The following DIP2C variants were observed in gnomAD, a reference collection of about 807,000 sequenced individuals.
The protein encoded by DIP2C is DIP2 acetate--CoA ligase C (putative).
In DIP2C, 33 loss-of-function variants were observed where a neutral mutation model predicts 192.4. The ratio of observed to expected loss-of-function variants is 0.17; its 90% CI spans 0.13 to 0.23. DIP2C has a LOEUF of 0.23. Among genes scored for constraint, DIP2C ranks in the 10% least tolerant of loss-of-function variants. The probability of loss-of-function intolerance (pLI) is 1.00; values close to 1 mark genes in which losing one functional copy is unlikely to be tolerated. For missense variants in DIP2C, 1,537 were observed against 2,110.1 expected (o/e 0.73, Z 5.32); for synonymous variants, 979 against 864.1 (o/e 1.13, Z -2.33).
chr10:627,147 C>T (rs1854254246), intron 1 of DIP2C, among the ~76,000 whole-genome samples: 1 of 152,246 alleles, frequency 6.6e-6, no homozygotes, highest in African/African-American at 2.4e-5. Flanking sequence ...GGCTCTGTAA[C>T]ATCCTCCAAG....
chr10:534,940 T>C (rs1353737134), intron 1 of DIP2C, among the ~76,000 whole-genome samples: 3 of 151,396 alleles, frequency 2.0e-5, no homozygotes, highest in African/African-American at 7.3e-5. Flanking sequence ...CCTCCCAAAG[T>C]GCTGGGATTA....
intron 28 of DIP2C, 42 bp from the exon 29 acceptor site, chr10:341,371 C>A (rs1265081930): frequency 5.6e-6 from 9 of 1,611,206 alleles, no homozygotes; most frequent in Non-Finnish European, 7.6e-6. Context: ...GGACCTGACA[C>A]CCTCAGACAC....
chr10:561,777 CA>C (rs34331595), intron 1 of DIP2C, among the ~76,000 whole-genome samples: 24,324 of 152,144 alleles, frequency 0.16, 3,563 homozygotes, highest in African/African-American at 0.39. Flanking sequence ...GCAGGTGCCA[CA>C]AAACTCAGTG....
At chr10:518,545 G>A (rs1005665966) in intron 1 of DIP2C, among the ~76,000 whole-genome samples, 2 of 152,188 alleles carry the variant, frequency 1.3e-5, no homozygotes. Flanking sequence ...TTGTGCCTCA[G>A]AAAGGGGCCC....
chr10:593,160 C>CT (rs1851499566), intron 1 of DIP2C, among the ~76,000 whole-genome samples: 1 of 152,068 alleles, frequency 6.6e-6, no homozygotes, highest in Non-Finnish European at 1.5e-5. Flanking sequence ...CCTCTGCCGC[C>CT]TTCCTGCAGG....
chr10:685,111 G>A (rs1450119888), intron 1 of DIP2C, among the ~76,000 whole-genome samples: 3 of 130,806 alleles, frequency 2.3e-5, no homozygotes, highest in Admixed American at 8.1e-5. Flanking sequence ...CCCAGCCTGG[G>A]CAACAAGAGT....
intron 36 of DIP2C, among the ~76,000 whole-genome samples, 177 bp downstream of exon 36, chr10:281,023 T>C (rs540141279): frequency 4.1e-4 from 62 of 152,336 alleles, no homozygotes; most frequent in African/African-American, 1.5e-3. Context: ...TAACTCTACA[T>C]GTGGCATGTT....
intron 13 of DIP2C, 41 bp from the exon 14 acceptor site, chr10:387,850 G>A (rs1963106883): frequency 1.2e-6 from 2 of 1,601,736 alleles, no homozygotes; most frequent in African/African-American, 1.3e-5. Flanking sequence ...ACTTAGGACA[G>A]GGCGGCAACA....
At chr10:412,497 A>C (rs974536096) in intron 8 of DIP2C, among the ~76,000 whole-genome samples, 1 of 152,236 alleles carries the variant, frequency 6.6e-6, no homozygotes, top group African/African-American at 2.4e-5. Flanking sequence ...GAGCATAATT[A>C]AAAAAATAAA....
At chr10:337,800 C>CGTGTGTTGTGGAGACCTAGGCAGCTGTGT (rs749822515) in intron 29 of DIP2C, among the ~76,000 whole-genome samples, 1 of 122,652 alleles carries the variant, frequency 8.2e-6, no homozygotes, top group East Asian at 2.6e-4. Flanking sequence ...TGTGTGTGCA[C>CGTGTGTTGTGGAGACCTAGGCAGCTGTGT]GTGTGTCGTG....
At chr10:552,872 T>C (rs896112811) in intron 1 of DIP2C, among the ~76,000 whole-genome samples, 10 of 152,190 alleles carry the variant, frequency 6.6e-5, no homozygotes, top group African/African-American at 2.4e-4. Context: ...GAACACCCCA[T>C]GTCTGCCCTG....
intron 1 of DIP2C, among the ~76,000 whole-genome samples, chr10:615,832 C>T (rs1296916419): frequency 2.0e-5 from 3 of 152,174 alleles, no homozygotes; most frequent in Admixed American, 6.5e-5. Context: ...GCCTGTGTCA[C>T]TTCACCCAAA....
intron 7 of DIP2C, among the ~76,000 whole-genome samples, chr10:414,749 A>ATATATATATATATATATATATC (rs1965476237): frequency 7.5e-6 from 1 of 132,604 alleles, no homozygotes; most frequent in African/African-American, 2.8e-5. Flanking sequence ...GTACATATAT[A>ATATATATATATATATATATATC]TATATATAAT....
In DIP2C at chr10:658,282, CCCCTGGACCTGT is replaced by C. The variant is rs1398037136; in HGVS notation, c.85+31200_85+31211del. ...GATGCTGGACCTGCCCCTGGACCTGCCCCTGGACCTGTCCCTGGACCTGCCGCTGGACCTGAT... is the reference window on the plus strand; with the variant it reads ...GATGCTGGACCTGCCCCTGGACCTGCCCCTGGACCTGCCGCTGGACCTGAT... On this transcript the variant is annotated intron_variant, in intron 1 of 36. Transcript: ENST00000280886. Among the ~76,000 whole-genome samples, 1,298 of 142,452 alleles carry C rather than the reference CCCCTGGACCTGT, an allele frequency of 9.1e-3. 5 individuals are homozygous for C. Among genetic ancestry groups the C allele is most frequent in the African/African-American group, 0.031 (1,183 of 37,872 alleles). The allele number at this position is 142,452 out of a possible 152,430, so 93.5% of individuals were successfully genotyped here.
At chr10:350,598 G>C (rs894009568) in intron 24 of DIP2C, among the ~76,000 whole-genome samples, 1 of 150,564 alleles carries the variant, frequency 6.6e-6, no homozygotes, top group Non-Finnish European at 1.5e-5. Context: ...GAAGACTGCA[G>C]AGCCGAAGAG....
At chr10:612,960 G>A (rs1257931489) in intron 1 of DIP2C, among the ~76,000 whole-genome samples, 1 of 152,154 alleles carries the variant, frequency 6.6e-6, no homozygotes, top group Non-Finnish European at 1.5e-5. Flanking sequence ...CTCCCAGTGG[G>A]TGTGCACGTT....
In DIP2C at chr10:642,010, G is replaced by A. The variant is rs189470910; in HGVS notation, c.85+47484C>T. Among the ~76,000 whole-genome samples the A allele has an allele frequency of 3.8e-3, 572 of 152,278 alleles. 3 individuals carry two copies. Among genetic ancestry groups the A allele is most frequent in the African/African-American group, 0.012 (519 of 41,558 alleles). On this transcript the variant is annotated intron_variant, in intron 1 of 36. Transcript: ENST00000280886. ...TGCACTCCAGCCTGGGCAACAGGGC[G>A]AGACCCTGTATCAAAAAAAGGAAAG...
intron 4 of DIP2C, chr10:437,801 T>C (rs1397564406): frequency 2.0e-5 from 3 of 152,238 alleles, no homozygotes; most frequent in African/African-American, 7.2e-5. Flanking sequence ...CCAGAAACTA[T>C]GATCCTGGTC....
intron 1 of DIP2C, among the ~76,000 whole-genome samples, chr10:640,359 G>A (rs11253291): frequency 0.12 from 18,353 of 152,236 alleles, 2,313 homozygotes; most frequent in African/African-American, 0.32. Context: ...GGAAATCACC[G>A]CAGCCTTACC....
Sources: gnomAD v4.1 joint callset for allele counts (sites outside exome capture counted in the v4.1 genomes callset) on GRCh38, gnomAD v4.1.1 for gene constraint, MANE v1.5 for transcripts, NCBI Gene and HGNC (gene_info 2026-07-23, HGNC 2026-07-21) for gene names.